LINGO2: variants seen among roughly 807,000 people sequenced by gnomAD.
LINGO2 encodes leucine rich repeat and Ig domain containing 2.
Under a neutral mutation model 30.6 loss-of-function variants are expected in LINGO2, and 14 were observed. The observed-to-expected ratio is 0.46, with a 90% CI of 0.30 to 0.72. The LOEUF is 0.72. LINGO2 is among the 30% of genes least tolerant of loss of function. The pLI is 0.07. For missense variants in LINGO2, 729 were observed against 751.7 expected (o/e 0.97, Z 0.35); for synonymous variants, 317 against 288.5 (o/e 1.10, Z -1.00).
intron 4 of LINGO2, among the ~76,000 whole-genome samples, chr9:28,105,058 G>A (rs1826543219): frequency 6.6e-6 from 1 of 152,082 alleles, no homozygotes; most frequent in South Asian, 2.1e-4. Flanking sequence ...CAACCTGATT[G>A]CAATTAGAGT....
At chr9:28,884,882 T>A in the LINGO2 span, among the ~76,000 whole-genome samples, 1 of 135,630 alleles carries the variant, frequency 7.4e-6, no homozygotes, top group African/African-American at 2.8e-5. Flanking sequence ...ATATACACTA[T>A]ATATGTATAT....
At chr9:28,511,698 A>G (rs1247936851) in intron 1 of LINGO2, among the ~76,000 whole-genome samples, 2 of 152,120 alleles carry the variant, frequency 1.3e-5, no homozygotes. Flanking sequence ...CTTTGTCACC[A>G]ATTTTCCAAT....
rs1165575849 is a variant in LINGO2 at position 28,147,901 on chromosome 9, G to A, written c.-86-135496C>T. Among the ~76,000 whole-genome samples the A allele has an allele frequency of 1.3e-5, 2 of 152,112 alleles. No individual in the cohort carries two copies. The highest frequency in any genetic ancestry group is 4.8e-5 in the African/African-American group (2 of 41,388). ...TCATAAACTCCCAGATGCCCAGTGT[G>A]CACCCGGCCACAGAGAAGTGGGTGA... On this transcript the variant is annotated intron_variant, in intron 4 of 5. Transcript: ENST00000379992. This position sits in a 1 kb window ranked among gnomAD's most constrained non-coding sequence, Gnocchi z 4.7.
intron 1 of LINGO2, among the ~76,000 whole-genome samples, chr9:28,611,442 T>C (rs1162288529): frequency 6.6e-6 from 1 of 152,002 alleles, no homozygotes; most frequent in African/African-American, 2.4e-5. Flanking sequence ...CAATATAGTA[T>C]TAGTAACTAC....
the LINGO2 span, among the ~76,000 whole-genome samples, chr9:28,766,220 T>G: frequency 1.3e-5 from 2 of 152,148 alleles, no homozygotes; most frequent in South Asian, 4.1e-4. Flanking sequence ...CTATCCAATA[T>G]TTGTAAGGAA....
chr9:28,882,040 C>T, the LINGO2 span, among the ~76,000 whole-genome samples: 1 of 152,170 alleles, frequency 6.6e-6, no homozygotes, highest in African/African-American at 2.4e-5. Flanking sequence ...CAGCGGACCA[C>T]TGTATTAGTA....
At chr9:28,817,293 G>T in the LINGO2 span, among the ~76,000 whole-genome samples, 2 of 152,120 alleles carry the variant, frequency 1.3e-5, no homozygotes, top group Non-Finnish European at 2.9e-5. Flanking sequence ...AGAATGATTT[G>T]GTTGCAAGTA....
At chr9:28,626,228 G>A (rs1224192993) in intron 1 of LINGO2, among the ~76,000 whole-genome samples, 1 of 151,984 alleles carries the variant, frequency 6.6e-6, no homozygotes, top group South Asian at 2.1e-4. Flanking sequence ...TGTATGAAAT[G>A]AATATCCAAA....
At chr9:28,902,265 T>C in the LINGO2 span, among the ~76,000 whole-genome samples, 1 of 152,172 alleles carries the variant, frequency 6.6e-6, no homozygotes, top group South Asian at 2.1e-4. Context: ...GGTATAGCTA[T>C]GCTTATATCA....
chr9:28,163,751 A>G (rs1224986686), intron 4 of LINGO2, among the ~76,000 whole-genome samples: 1 of 152,190 alleles, frequency 6.6e-6, no homozygotes, highest in South Asian at 2.1e-4. Flanking sequence ...GTTTGATTCA[A>G]TAAGCATCAC....
chr9:28,152,138 C>A (rs1425494835), intron 4 of LINGO2, among the ~76,000 whole-genome samples: 1 of 151,974 alleles, frequency 6.6e-6, no homozygotes, highest in Non-Finnish European at 1.5e-5. Flanking sequence ...AAATTTGATC[C>A]CCAGTGTTGG....
the LINGO2 span, among the ~76,000 whole-genome samples, chr9:28,774,240 A>G: frequency 6.6e-6 from 1 of 152,192 alleles, no homozygotes; most frequent in Non-Finnish European, 1.5e-5. Flanking sequence ...TACACAATAT[A>G]AGGTACATAT....
At chr9:28,610,147 AC>A (rs1404998683) in intron 1 of LINGO2, among the ~76,000 whole-genome samples, 1 of 152,186 alleles carries the variant, frequency 6.6e-6, no homozygotes, top group Non-Finnish European at 1.5e-5. Context: ...TTTTTTTAAA[AC>A]AAACCTGTTT....
rs187491744 is a variant in LINGO2, at chr9:28,130,980, C to A, written c.-86-118575G>T. Among the ~76,000 whole-genome samples, 14 of 152,042 alleles carry A rather than the reference C, an allele frequency of 9.2e-5. No individual in the cohort carries two copies. Among genetic ancestry groups the A allele is most frequent in the Non-Finnish European group, 1.2e-4 (8 of 67,972 alleles). On this transcript the variant is annotated intron_variant, in intron 4 of 5. Coordinates refer to ENST00000379992, the Ensembl canonical transcript of LINGO2. The surrounding 1 kb of genome is among the most constrained non-coding windows in gnomAD (Gnocchi z 5.2). Reference sequence around the variant, plus strand: ...ACTTTGGATTTCCCAACAATGTATACGCCTTCCCATCTCTGCCTTTACTTA... The same window carrying A: ...ACTTTGGATTTCCCAACAATGTATAAGCCTTCCCATCTCTGCCTTTACTTA...
the LINGO2 span, among the ~76,000 whole-genome samples, chr9:28,909,958 A>T: frequency 2.0e-5 from 3 of 152,128 alleles, no homozygotes; most frequent in East Asian, 5.8e-4. Flanking sequence ...ATTGCAAGAA[A>T]GAATAATATA....
the LINGO2 span, among the ~76,000 whole-genome samples, chr9:28,762,676 C>A: frequency 6.8e-4 from 103 of 152,074 alleles, no homozygotes; most frequent in Non-Finnish European, 8.5e-4. Flanking sequence ...CAACCCCTCT[C>A]TTGTCCCCTT....
chr9:28,478,606 T>C (rs190707534), intron 1 of LINGO2, among the ~76,000 whole-genome samples: 184 of 152,202 alleles, frequency 1.2e-3, no homozygotes, highest in Admixed American at 6.4e-3. Flanking sequence ...TTCTGTGTGT[T>C]TGTGTGTGTT....
rs769745804 is a variant in LINGO2 at position 28,448,352 on chromosome 9, T to C, written c.-279+27588A>G. Among the ~76,000 whole-genome samples, 10 of 152,128 alleles carry C rather than the reference T, an allele frequency of 6.6e-5. 1 individual carries two copies. Among genetic ancestry groups the C allele is most frequent in the Non-Finnish European group, 1.5e-4 (10 of 67,988 alleles). On this transcript the variant is annotated intron_variant, in intron 2 of 5. Transcript: ENST00000379992. ...CCCAAAACACATTTAAAAACTGCTA[T>C]AAGACAATTTTAGATTTTATTAATA...
the LINGO2 span, among the ~76,000 whole-genome samples, chr9:29,062,169 C>A: frequency 6.6e-5 from 10 of 151,828 alleles, no homozygotes; most frequent in Non-Finnish European, 1.5e-4. Flanking sequence ...TATTTTAATA[C>A]AGAAAATACA....
Sources: allele counts gnomAD v4.1 joint callset (sites outside exome capture counted in the v4.1 genomes callset), GRCh38; gene constraint gnomAD v4.1.1; non-coding constraint Gnocchi (gnomAD v3.1); transcripts MANE v1.5; gene names NCBI Gene and HGNC (gene_info 2026-07-23, HGNC 2026-07-21).